MTCL2: variants seen among roughly 807,000 people sequenced by gnomAD.
MTCL2 encodes the protein microtubule cross-linking factor 2.
the MTCL2 span, among the ~76,000 whole-genome samples, chr20:36,823,295 C>T: frequency 5.3e-5 from 8 of 152,266 alleles, no homozygotes; most frequent in African/African-American, 1.9e-4. Flanking sequence ...TGCTCCTTTC[C>T]CGGGCAACTG....
the MTCL2 span, chr20:36,812,895 G>A: frequency 6.4e-7 from 1 of 1,574,194 alleles, no homozygotes. Flanking sequence ...ATGGGGAGGG[G>A]CCCGAGGGGT....
At chr20:36,863,285 T>G in the MTCL2 span, 1 of 1,188,328 alleles carries the variant, frequency 8.4e-7, no homozygotes, top group African/African-American at 1.6e-5. This position sits in a 1 kb window ranked among gnomAD's most constrained non-coding sequence, Gnocchi z 6.2. Context: ...CAGGCGCGGG[T>G]GCAGGCGCGG....
the MTCL2 span, among the ~76,000 whole-genome samples, chr20:36,823,488 G>C: frequency 6.6e-6 from 1 of 152,170 alleles, no homozygotes; most frequent in African/African-American, 2.4e-5. Flanking sequence ...ACACCTCTGA[G>C]AAGTAGGGAT....
At chr20:36,826,278 GTCTTT>G in the MTCL2 span, among the ~76,000 whole-genome samples, 239 of 127,900 alleles carry the variant, frequency 1.9e-3, 2 homozygotes, top group African/African-American at 7.0e-3. Flanking sequence ...CAAAGTGCTG[GTCTTT>G]TCTTTTCTGT....
chr20:36,815,598 A>G, the MTCL2 span: 3 of 1,590,356 alleles, frequency 1.9e-6, no homozygotes, highest in Non-Finnish European at 2.6e-6. This position sits in a 1 kb window ranked among gnomAD's most constrained non-coding sequence, Gnocchi z 5.3. Context: ...CGTCTCCAGC[A>G]TGGGCCGCGT....
chr20:36,810,746 CTCTCTCTT>C, the MTCL2 span, among the ~76,000 whole-genome samples: 1 of 150,008 alleles, frequency 6.7e-6, no homozygotes, highest in African/African-American at 2.5e-5. Context: ...CTCTCTCTCT[CTCTCTCTT>C]TCAACGGAGT....
the MTCL2 span, among the ~76,000 whole-genome samples, chr20:36,830,964 A>T: frequency 6.6e-6 from 1 of 152,142 alleles, no homozygotes; most frequent in African/African-American, 2.4e-5. Flanking sequence ...CCAAAATGAC[A>T]AAGGGTGGGC....
At chr20:36,843,433 C>G in the MTCL2 span, among the ~76,000 whole-genome samples, 1 of 151,892 alleles carries the variant, frequency 6.6e-6, no homozygotes, top group African/African-American at 2.4e-5. Flanking sequence ...GCCAGCCCCC[C>G]ACCCCCACCT....
chr20:36,813,041 T>C, the MTCL2 span, among the ~76,000 whole-genome samples: 20 of 152,338 alleles, frequency 1.3e-4, no homozygotes, highest in African/African-American at 4.6e-4. Context: ...GTTTAATGAA[T>C]GTTTGCTGAA....
chr20:36,860,385 G>C, the MTCL2 span, among the ~76,000 whole-genome samples: 1 of 151,964 alleles, frequency 6.6e-6, no homozygotes, highest in Non-Finnish European at 1.5e-5. Context: ...TTTAATTCTG[G>C]TCTCCCCAAA....
chr20:36,782,286 T>C, the MTCL2 span: 1 of 152,252 alleles, frequency 6.6e-6, no homozygotes, highest in Non-Finnish European at 1.5e-5. Flanking sequence ...ACTTGTTTTA[T>C]GCCTGGGTTG....
chr20:36,777,753 CAGGCTG>C, the MTCL2 span: 3 of 585,260 alleles, frequency 5.1e-6, no homozygotes, highest in Non-Finnish European at 9.2e-6. Context: ...ACCAGGAAAC[CAGGCTG>C]AGTGGGAAGG....
chr20:36,810,178 TAAGGATGACAGTGGTA>T, the MTCL2 span: 2 of 1,502,344 alleles, frequency 1.3e-6, no homozygotes, highest in African/African-American at 2.8e-5. Context: ...AATTGTGATC[TAAGGATGACAGTGGTA>T]GGGGAACGAT....
chr20:36,793,750 G>A, the MTCL2 span: 3 of 1,541,708 alleles, frequency 1.9e-6, no homozygotes, highest in Non-Finnish European at 2.6e-6. The surrounding 1 kb of genome is among the most constrained non-coding windows in gnomAD (Gnocchi z 6.8). Context: ...ACCGCCTCTG[G>A]AGCTTTGGTG....
At chr20:36,851,851 G>A in the MTCL2 span, among the ~76,000 whole-genome samples, 1 of 152,118 alleles carries the variant, frequency 6.6e-6, no homozygotes, top group Non-Finnish European at 1.5e-5. Flanking sequence ...GAATACACAG[G>A]CCCTCAGAGG....
At chr20:36,825,718 A>C in the MTCL2 span, among the ~76,000 whole-genome samples, 1 of 152,234 alleles carries the variant, frequency 6.6e-6, no homozygotes, top group Non-Finnish European at 1.5e-5. Flanking sequence ...AGGCTCTGGC[A>C]GAAGAATTGC....
the MTCL2 span, among the ~76,000 whole-genome samples, chr20:36,791,126 C>T: frequency 6.6e-6 from 1 of 152,068 alleles, no homozygotes; most frequent in Non-Finnish European, 1.5e-5. Context: ...CCTCCGCCTC[C>T]TGGGTTCACG....
At chr20:36,842,214 C>A in the MTCL2 span, among the ~76,000 whole-genome samples, 24 of 152,210 alleles carry the variant, frequency 1.6e-4, no homozygotes, top group Non-Finnish European at 2.6e-4. Flanking sequence ...TGGAGGCAAC[C>A]CCATTTGGCC....
the MTCL2 span, among the ~76,000 whole-genome samples, chr20:36,838,075 T>C: frequency 6.7e-6 from 1 of 148,762 alleles, no homozygotes; most frequent in Non-Finnish European, 1.5e-5. Flanking sequence ...TGAGACGGAG[T>C]CTCGCTCTGT....
Sources: gnomAD v4.1 joint callset for allele counts (sites outside exome capture counted in the v4.1 genomes callset) on GRCh38, gnomAD v4.1.1 for gene constraint, Gnocchi (gnomAD v3.1) non-coding constraint, MANE v1.5 for transcripts, NCBI Gene and HGNC (gene_info 2026-07-23, HGNC 2026-07-21) for gene names.